FBLN2: variants seen among roughly 807,000 people sequenced by gnomAD.
FBLN2 encodes the protein fibulin 2, also known as fibulin-2.
In FBLN2, 81 loss-of-function variants were observed where a neutral mutation model predicts 123.7. The observed-to-expected ratio is 0.65, with a 90% CI of 0.55 to 0.79. The LOEUF is 0.79. FBLN2 is among the 30% of genes least tolerant of loss of function. The pLI is 0.00. For synonymous variants in FBLN2, 699 were observed against 701.4 expected, an observed-to-expected ratio of 1.00 and a Z score of 0.05; for missense variants, 1,603 against 1,681.3, an observed-to-expected ratio of 0.95 and a Z score of 0.81.
chr3:13,600,067 G>C (rs1272098305), intron 2 of FBLN2, among the ~76,000 whole-genome samples: 1 of 140,274 alleles, frequency 7.1e-6, no homozygotes, highest in Non-Finnish European at 1.5e-5. Flanking sequence ...GAGAGCGATA[G>C]AGAGAGAGAG....
At chr3:13,580,528 T>C (rs1482521766) in intron 2 of FBLN2, among the ~76,000 whole-genome samples, 1 of 152,088 alleles carries the variant, frequency 6.6e-6, no homozygotes, top group Non-Finnish European at 1.5e-5. Context: ...CGTTAGATGG[T>C]GAAAGTGCTA....
At chr3:13,629,325 A>G in intron 13 of FBLN2, 33 bp downstream of exon 13, 2 of 1,580,704 alleles carry the variant, frequency 1.3e-6, no homozygotes, top group South Asian at 2.3e-5. Context: ...CCCCTGGGGA[A>G]CACCTGGCTG....
chr3:13,637,067 A>G (rs1354514821), intron 17 of FBLN2, among the ~76,000 whole-genome samples: 1 of 152,128 alleles, frequency 6.6e-6, no homozygotes, highest in East Asian at 1.9e-4. Flanking sequence ...GCCACTCCCC[A>G]GCTCAGTGTA....
chr3:13,637,628 C>T lies in FBLN2; in HGVS notation c.3405C>T (p.His1135=), dbSNP rs374692877. 1.9e-6 allele frequency: 3 copies of T among 1,613,880 alleles called. No individual in the cohort carries two copies. The highest frequency in any genetic ancestry group is 1.6e-4 in the Middle Eastern group (1 of 6,084). The change falls in exon 18 of 18, where the codon CAC becomes CAT. Residue 1135 remains histidine (H), a synonymous_variant. Coordinates refer to ENST00000404922, the MANE Select transcript of FBLN2 (RefSeq NM_001004019.2). The part of the protein sequence containing the change: ...ECQNSPARIT[H]YQLNFQTGLL... ...AGAACTCGCCAGCGCGCATCACGCA[C>T]TACCAGCTCAACTTCCAGACGGGCC... is the stretch of plus-strand genomic sequence containing the variant.
At chr3:13,626,911 G>T (rs1195401891) in intron 10 of FBLN2, among the ~76,000 whole-genome samples, 1 of 152,080 alleles carries the variant, frequency 6.6e-6, no homozygotes, top group Non-Finnish European at 1.5e-5. Flanking sequence ...GCCCACAGAG[G>T]GTTCACTCTG....
At chr3:13,607,254 G>A (rs1705237322) in intron 2 of FBLN2, among the ~76,000 whole-genome samples, 3 of 152,160 alleles carry the variant, frequency 2.0e-5, no homozygotes, top group African/African-American at 7.2e-5. Context: ...TCAAAGTGCT[G>A]GGATAACAGG....
intron 2 of FBLN2, among the ~76,000 whole-genome samples, chr3:13,594,210 C>G (rs1704769479): frequency 6.6e-6 from 1 of 152,118 alleles, no homozygotes; most frequent in Admixed American, 6.6e-5. Context: ...TTAAACCCAC[C>G]CTCCTTGACG....
rs926292978 is a variant in FBLN2, at chr3:13,608,298, G to A, written c.1418+125G>A. 4.4e-4 allele frequency: 300 copies of A among 677,056 alleles called. 2 individuals are homozygous for A. In the Middle Eastern group the frequency reaches 4.9e-3, roughly 11 times the overall value. 41.9% of individuals were successfully genotyped at this position (677,056 alleles called of 1,614,324 possible). ...ACCTTCACATGCCTCTGGGGCATGAGGGTGATTGGGTGTGGCTGCCGTGCG... is the reference window on the plus strand; with the variant it reads ...ACCTTCACATGCCTCTGGGGCATGAAGGTGATTGGGTGTGGCTGCCGTGCG... On this transcript the variant is annotated intron_variant, in intron 3 of 17. Transcript: ENST00000404922.
intron 2 of FBLN2, among the ~76,000 whole-genome samples, chr3:13,585,897 G>A (rs963238874): frequency 6.6e-6 from 1 of 152,204 alleles, no homozygotes; most frequent in African/African-American, 2.4e-5. Flanking sequence ...TATTTACTAT[G>A]TTTTTGTTGT....
intron 1 of FBLN2, among the ~76,000 whole-genome samples, chr3:13,569,995 C>T (rs1205815525): frequency 6.6e-6 from 1 of 151,870 alleles, no homozygotes; most frequent in Non-Finnish European, 1.5e-5. Flanking sequence ...TGTGTGGGCA[C>T]GAGGGCTCAC....
rs200141144 is a variant in FBLN2 at position 13,619,819 on chromosome 3, G to A, written c.2143G>A (p.Val715Met). The change falls in exon 8 of 18, where the codon GTG (valine) becomes ATG (methionine). Residue 715 changes from valine (V) to methionine (M), a missense_variant. Transcript: ENST00000404922. ...CGGCTATGCCATCATGGCGGATGGC[G>A]TGTCCTGTGAAGGTGAGTGCCTTGG... ...FPGYAIMADG[V>M]SCEDQDECLM... 2.9e-4 allele frequency: 464 copies of A among 1,611,288 alleles called. 1 individual carries two copies. The highest frequency in any genetic ancestry group is 1.4e-3 in the South Asian group (126 of 90,570).
intron 2 of FBLN2, among the ~76,000 whole-genome samples, chr3:13,604,430 C>A (rs2124874591): frequency 6.6e-6 from 1 of 152,178 alleles, no homozygotes; most frequent in Middle Eastern, 3.4e-3. Flanking sequence ...AGGAAGGGAT[C>A]CAGTTTCAGC....
Position 13,551,056 on chromosome 3 carries a change from C to T in FBLN2, c.-42+1848C>T, listed in dbSNP as rs112506642. Reference sequence around the variant, plus strand: ...CCCAACCCAGGGGATGGGGCAGGGGCGCTGTTTGGTCCCCGTCCCCACCTG... The same window carrying T: ...CCCAACCCAGGGGATGGGGCAGGGGTGCTGTTTGGTCCCCGTCCCCACCTG... On this transcript the variant is annotated intron_variant, in intron 1 of 17. Transcript: ENST00000404922. Among the ~76,000 whole-genome samples the T allele has an allele frequency of 6.0e-3, 916 of 152,308 alleles. 8 individuals are homozygous for T. Among genetic ancestry groups the T allele is most frequent in the Middle Eastern group, 0.014 (4 of 294 alleles).
At chr3:13,569,978 A>ATG (rs374444161) in intron 1 of FBLN2, among the ~76,000 whole-genome samples, 7 of 151,844 alleles carry the variant, frequency 4.6e-5, no homozygotes, top group Admixed American at 2.6e-4. Flanking sequence ...GGGGCTGTGC[A>ATG]TGTGTGTGTG....
At chr3:13,609,684 C>CTGGGGGGGGGGGGGGGG in intron 4 of FBLN2, 42 bp downstream of exon 4, 1 of 196,566 alleles carries the variant, frequency 5.1e-6, no homozygotes, top group East Asian at 2.0e-4. Flanking sequence ...TGGGGTGGGG[C>CTGGGGGGGGGGGGGGGG]GGGGCGGGAG....
chr3:13,585,993 C>G (rs1704484581), intron 2 of FBLN2, among the ~76,000 whole-genome samples: 1 of 152,144 alleles, frequency 6.6e-6, no homozygotes, highest in South Asian at 2.1e-4. Context: ...TATAAAACAG[C>G]CTCTGGCAGG....
chr3:13,552,853 T>C (rs900721429), intron 1 of FBLN2, among the ~76,000 whole-genome samples: 1 of 152,108 alleles, frequency 6.6e-6, no homozygotes, highest in Non-Finnish European at 1.5e-5. Flanking sequence ...GGCAGTAGCC[T>C]CTGGTGTGGG....
chr3:13,621,747 C>T, intron 8 of FBLN2, 28 bp from the exon 9 acceptor site: 1 of 1,613,116 alleles, frequency 6.2e-7, no homozygotes, highest in Non-Finnish European at 8.5e-7. Context: ...AACAGTCCTT[C>T]TGTTTTTCCT....
At chr3:13,558,578 A>G (rs1268712679) in intron 1 of FBLN2, among the ~76,000 whole-genome samples, 2 of 152,010 alleles carry the variant, frequency 1.3e-5, no homozygotes, top group Non-Finnish European at 2.9e-5. Flanking sequence ...AATTCATCCC[A>G]TCCTCTCTGC....
Sources: gnomAD v4.1 joint callset for allele counts (sites outside exome capture counted in the v4.1 genomes callset) on GRCh38, gnomAD v4.1.1 for gene constraint, MANE v1.5 for transcripts, NCBI Gene and HGNC (gene_info 2026-07-23, HGNC 2026-07-21) for gene names.